The following AGXT2 variants were observed in gnomAD, a reference collection of about 807,000 sequenced individuals.
AGXT2 encodes alanine--glyoxylate aminotransferase 2.
Under a neutral mutation model 62.5 loss-of-function variants are expected in AGXT2, and 61 were observed. The ratio of observed to expected loss-of-function variants is 0.98; its 90% CI spans 0.79 to 1.21. AGXT2 has a LOEUF of 1.21. AGXT2 is among the 50% of genes most tolerant of loss of function. AGXT2 has a pLI of 0.00. For missense variants in AGXT2, 666 were observed against 641.5 expected (o/e 1.04, Z -0.41); for synonymous variants, 243 against 218.7 (o/e 1.11, Z -0.98).
intron 10 of AGXT2, 22 bp from the exon 11 acceptor site, chr5:35,013,067 T>C: frequency 6.5e-7 from 1 of 1,547,736 alleles, no homozygotes; most frequent in African/African-American, 1.4e-5. Context: ...AAATAGAAGG[T>C]GTGGAAAGAG....
At chr5:35,025,675 G>T in intron 9 of AGXT2, 88 bp downstream of exon 9, 1 of 1,386,250 alleles carries the variant, frequency 7.2e-7, no homozygotes, top group South Asian at 1.2e-5. Context: ...GAGGCTTTCT[G>T]CCTGGAACAC....
chr5:35,000,628 G>T (rs912915909), intron 13 of AGXT2, among the ~76,000 whole-genome samples: 1 of 152,138 alleles, frequency 6.6e-6, no homozygotes, highest in Non-Finnish European at 1.5e-5. Context: ...GTGATCTGCC[G>T]CTTCGGCCTC....
Position 34,998,549 on chromosome 5 carries a change from G to A in AGXT2, c.*170C>T. On this transcript the variant is annotated 3_prime_UTR_variant, in exon 14 of 14. Transcript: ENST00000231420. ...AAGAATGGAGTTCTCAAGATAAGAG[G>A]GGCTCTGCTAACAAATATGGTTGGT... 1.6e-6 allele frequency: 1 copy of A among 638,210 alleles called. No homozygotes were observed. Among genetic ancestry groups the A allele is most frequent in the Non-Finnish European group, 2.8e-6 (1 of 359,638 alleles). 39.5% of individuals were successfully genotyped at this position (638,210 alleles called of 1,614,324 possible).
At chr5:35,016,269 G>C (rs1212122802) in intron 9 of AGXT2, among the ~76,000 whole-genome samples, 2 of 152,132 alleles carry the variant, frequency 1.3e-5, no homozygotes, top group Non-Finnish European at 2.9e-5. Flanking sequence ...AATCCATTTT[G>C]CTCCTAACCA....
chr5:35,017,321 T>C (rs1225714754), intron 9 of AGXT2, among the ~76,000 whole-genome samples: 1 of 152,132 alleles, frequency 6.6e-6, no homozygotes, highest in Non-Finnish European at 1.5e-5. Flanking sequence ...TACATTCACT[T>C]ATATTTAAAA....
rs761608593 is a variant in AGXT2, at chr5:35,047,834, C to T, written c.59G>A (p.Arg20Lys). The part of the protein sequence containing the change: ...RPLCLVTSAP[R>K]ILEMHPFLSL... ...CAGGAAAGGATGCATCTCAAGGATC[C>T]TGGGAGCGGAAGTGACCAGGCACAA... Residue 20 changes from arginine to lysine, a missense_variant, in exon 1 of 14, where the codon AGG (arginine) becomes AAG (lysine). By Grantham distance (26) the Arg-to-Lys change is conservative. Transcript: ENST00000231420. 1 of 1,614,088 alleles carries T rather than the reference C, an allele frequency of 6.2e-7. No individual in the cohort carries two copies. Among genetic ancestry groups the T allele is most frequent in the Non-Finnish European group, 8.5e-7 (1 of 1,179,998 alleles).
Position 34,998,640 on chromosome 5 carries a change from T to C in AGXT2, c.*79A>G. 3.4e-6 allele frequency: 4 copies of C among 1,170,118 alleles called. No homozygotes were observed. The South Asian group carries it at 5.0e-5, about 15-fold the overall frequency. 72.5% of individuals were successfully genotyped at this position (1,170,118 alleles called of 1,614,324 possible). On this transcript the variant is annotated 3_prime_UTR_variant, in exon 14 of 14. Transcript: ENST00000231420. The stretch of plus-strand genomic sequence containing the variant: ...GCAGGCTTTCTCTGGATACCAGTGG[T>C]TCTGAAATTCTTCAAATTCACCCTT...
intron 12 of AGXT2, among the ~76,000 whole-genome samples, chr5:35,008,743 A>G (rs1298156547): frequency 6.6e-6 from 1 of 152,212 alleles, no homozygotes; most frequent in Non-Finnish European, 1.5e-5. Flanking sequence ...AGAGTCTTAT[A>G]CCATGTCTGG....
intron 7 of AGXT2, among the ~76,000 whole-genome samples, chr5:35,030,847 C>A (rs959043711): frequency 1.3e-5 from 2 of 152,142 alleles, no homozygotes; most frequent in African/African-American, 4.8e-5. Flanking sequence ...GTTCTTGATG[C>A]CTTACAGATG....
At chr5:35,009,300 CA>C (rs34961979) in intron 12 of AGXT2, among the ~76,000 whole-genome samples, 13,978 of 151,864 alleles carry the variant, frequency 0.092, 830 homozygotes, top group South Asian at 0.16. Flanking sequence ...TGCAAACAAA[CA>C]AAACTCAATA....
At chr5:35,007,665 C>T (rs1026206367) in intron 12 of AGXT2, among the ~76,000 whole-genome samples, 1 of 152,096 alleles carries the variant, frequency 6.6e-6, no homozygotes, top group African/African-American at 2.4e-5. Flanking sequence ...CCCTTAGAGC[C>T]CATGCTTATA....
intron 11 of AGXT2, among the ~76,000 whole-genome samples, chr5:35,011,730 A>G (rs954307280): frequency 1.3e-5 from 2 of 152,114 alleles, no homozygotes; most frequent in East Asian, 3.8e-4. Flanking sequence ...AAAAGAACTA[A>G]AAGTAGTTCT....
intron 1 of AGXT2, among the ~76,000 whole-genome samples, chr5:35,040,930 T>TAA: frequency 6.6e-6 from 1 of 152,120 alleles, no homozygotes; most frequent in Middle Eastern, 3.4e-3. Context: ...TTAGGCAAAC[T>TAA]CTCCATGTTA....
rs779034786 is a variant in AGXT2, at chr5:35,032,818, C to T, written c.683G>A (p.Cys228Tyr). The T allele has an allele frequency of 2.0e-5, 32 of 1,603,062 alleles. No individual in the cohort carries two copies. The South Asian group carries it at 3.4e-4, about 17-fold the overall frequency. ...CCAAGGGCCACGAAAAACATCTGGA[C>T]ACATTGTCTGCAAATGACAAAAGAA... ...PGGTGCQPTM[C>Y]PDVFRGPWGG... Residue 228 changes from cysteine to tyrosine, a missense_variant, in exon 7 of 14, where the codon TGT (cysteine) becomes TAT (tyrosine). Cys to Tyr is a radical substitution (Grantham distance 194, BLOSUM62 -2). Coordinates refer to ENST00000231420, the MANE Select transcript of AGXT2 (RefSeq NM_031900.4).
At chr5:35,046,125 G>A (rs1268699117) in intron 1 of AGXT2, among the ~76,000 whole-genome samples, 14 of 152,114 alleles carry the variant, frequency 9.2e-5, no homozygotes, top group Non-Finnish European at 1.8e-4. Context: ...CTATGGTAAG[G>A]CGTCGCCAAC....
At chr5:35,016,479 T>C (rs1036281149) in intron 9 of AGXT2, among the ~76,000 whole-genome samples, 1 of 152,156 alleles carries the variant, frequency 6.6e-6, no homozygotes, top group Non-Finnish European at 1.5e-5. Context: ...TTTATAACAG[T>C]ATTGTAACCT....
chr5:35,033,961 A>C (rs1440317979), intron 5 of AGXT2, among the ~76,000 whole-genome samples: 2 of 152,134 alleles, frequency 1.3e-5, no homozygotes, highest in Non-Finnish European at 2.9e-5. Flanking sequence ...ATCTTTAGGG[A>C]CTTACACACC....
Position 35,023,978 on chromosome 5 carries a change from C to T in AGXT2, c.963+1785G>A, listed in dbSNP as rs1417151522. On this transcript the variant is annotated intron_variant, in intron 9 of 13. Transcript: ENST00000231420. ...GCATGATCTTGGCTCATTGCAACCT[C>T]CACCTCCTGGGTTCAAACATTCTCC... Among the ~76,000 whole-genome samples, 4 of 152,112 alleles carry T rather than the reference C, an allele frequency of 2.6e-5. No homozygotes were observed. In the South Asian group the frequency reaches 6.2e-4, roughly 24 times the overall value.
intron 9 of AGXT2, among the ~76,000 whole-genome samples, chr5:35,023,896 T>C (rs1047464929): frequency 7.3e-5 from 11 of 151,480 alleles, no homozygotes; most frequent in Non-Finnish European, 1.6e-4. Context: ...TATTTATTTA[T>C]TTATTTATTT....
Sources: allele counts gnomAD v4.1 joint callset (sites outside exome capture counted in the v4.1 genomes callset), GRCh38; gene constraint gnomAD v4.1.1; transcripts MANE v1.5; gene names NCBI Gene and HGNC (gene_info 2026-07-23, HGNC 2026-07-21).